TXNL4A: variants seen among roughly 807,000 people sequenced by gnomAD.
TXNL4A encodes thioredoxin like 4A.
In TXNL4A, 17 loss-of-function variants were observed where a neutral mutation model predicts 14.6. The observed-to-expected ratio is 1.16, with a 90% confidence interval of 0.80 to 1.74. The LOEUF (loss-of-function observed/expected upper bound fraction) is 1.74, where lower values mean the gene tolerates loss of function less well. Ranked by LOEUF, TXNL4A falls within the 40% of genes most tolerant of loss-of-function variation. TXNL4A has a pLI of 0.00. For synonymous variants in TXNL4A, 83 were observed against 70.6 expected, an observed-to-expected ratio of 1.18 and a Z score of -0.88; for missense variants, 74 against 195.2, an observed-to-expected ratio of 0.38 and a Z score of 3.70.
chr18:79,977,951 G>A (rs911075440), intron 1 of TXNL4A: 19 of 486,508 alleles, frequency 3.9e-5, no homozygotes, highest in Non-Finnish European at 6.2e-5. Flanking sequence ...TTATAGGAGT[G>A]AGCCATCACT....
intron 1 of TXNL4A, among the ~76,000 whole-genome samples, 159 bp downstream of exon 1, chr18:79,988,081 G>A (rs960050762): frequency 6.6e-6 from 1 of 152,268 alleles, no homozygotes; most frequent in African/African-American, 2.4e-5. Flanking sequence ...CACAGTCCCC[G>A]AGAGCGCTCG....
chr18:80,007,617 A>C (rs2051740576), intron 1 of TXNL4A, among the ~76,000 whole-genome samples: 1 of 151,552 alleles, frequency 6.6e-6, no homozygotes, highest in African/African-American at 2.4e-5. Flanking sequence ...TTAATCAGGT[A>C]CTGAGTATAA....
intron 1 of TXNL4A, among the ~76,000 whole-genome samples, chr18:79,999,626 A>G (rs1267813121): frequency 6.6e-6 from 1 of 152,166 alleles, no homozygotes; most frequent in Non-Finnish European, 1.5e-5. Context: ...ACACCACAGA[A>G]GTTCAGGGTA....
At chr18:79,998,123 C>T (rs1050090357) in intron 1 of TXNL4A, among the ~76,000 whole-genome samples, 1 of 152,042 alleles carries the variant, frequency 6.6e-6, no homozygotes, top group African/African-American at 2.4e-5. Context: ...GAAACCCCCT[C>T]TGTACTAAAA....
intron 1 of TXNL4A, among the ~76,000 whole-genome samples, chr18:80,006,567 T>C (rs1395651216): frequency 6.6e-6 from 1 of 152,182 alleles, no homozygotes; most frequent in East Asian, 1.9e-4. Context: ...AAATTTTATT[T>C]ACTTATAAAA....
At chr18:80,021,518 AG>A (rs2051849074) in intron 1 of TXNL4A, among the ~76,000 whole-genome samples, 1 of 152,170 alleles carries the variant, frequency 6.6e-6, no homozygotes, top group Admixed American at 6.5e-5. Flanking sequence ...ATTGGGAGTT[AG>A]GGTGCAATGG....
At chr18:80,006,620 G>T (rs541903126) in intron 1 of TXNL4A, among the ~76,000 whole-genome samples, 1 of 152,276 alleles carries the variant, frequency 6.6e-6, no homozygotes, top group African/African-American at 2.4e-5. Context: ...TTTGTCTGGG[G>T]TAATACCTGA....
In TXNL4A at chr18:80,011,653, C is replaced by T. The variant is rs749128660; in HGVS notation, c.-61+22198G>A. Among the ~76,000 whole-genome samples the T allele has an allele frequency of 8.5e-5, 13 of 152,112 alleles. No homozygotes were observed. Among genetic ancestry groups the T allele is most frequent in the Non-Finnish European group, 1.0e-4 (7 of 68,036 alleles). ...TTTATGCCCCGAGAGCACAACCGCT[C>T]GGCGGCATTCCACAGGTGGCTCAGG... On this transcript the variant is annotated intron_variant, in intron 1 of 2. Transcript: ENST00000585474. The surrounding 1 kb of genome is among the most constrained non-coding windows in gnomAD (Gnocchi z 4.1).
At chr18:79,994,149 G>A (rs545936074) in intron 1 of TXNL4A, among the ~76,000 whole-genome samples, 3 of 152,242 alleles carry the variant, frequency 2.0e-5, no homozygotes, top group African/African-American at 7.2e-5. Context: ...AAATACTTAC[G>A]GCAAATTGTC....
At chr18:80,033,816 C>CTGCATCAT in intron 1 of TXNL4A, 1 of 149,710 alleles carries the variant, frequency 6.7e-6, no homozygotes, top group African/African-American at 2.5e-5. Flanking sequence ...TCGCCCCGCC[C>CTGCATCAT]CCGTTGCCGC....
chr18:80,002,585 TAAG>T (rs1215067111), intron 1 of TXNL4A, among the ~76,000 whole-genome samples: 1 of 152,116 alleles, frequency 6.6e-6, no homozygotes, highest in Non-Finnish European at 1.5e-5. Flanking sequence ...TTTTGCAGAG[TAAG>T]AAGAACCAAT....
intron 1 of TXNL4A, chr18:79,986,632 G>C (rs2051552989): frequency 1.0e-6 from 1 of 985,438 alleles, no homozygotes; most frequent in Admixed American, 6.1e-5. Context: ...TTCTAGCTAA[G>C]AGCATCTTGC....
intron 1 of TXNL4A, among the ~76,000 whole-genome samples, chr18:79,998,280 G>C (rs1244580866): frequency 1.3e-5 from 2 of 150,964 alleles, no homozygotes; most frequent in East Asian, 3.9e-4. Context: ...ACGACAGAGC[G>C]AGACTCCGTC....
upstream of TXNL4A, among the ~76,000 whole-genome samples, chr18:79,991,075 T>C (rs1423903781): frequency 7.5e-6 from 1 of 133,272 alleles, no homozygotes; most frequent in African/African-American, 3.0e-5. Flanking sequence ...ACCACTGCAC[T>C]CCAGCCTGGG....
At chr18:79,993,053 GGCAC>G (rs2051638445), upstream of TXNL4A, among the ~76,000 whole-genome samples, 1 of 152,042 alleles carries the variant, frequency 6.6e-6, no homozygotes, top group Non-Finnish European at 1.5e-5. This position sits in a 1 kb window ranked among gnomAD's most constrained non-coding sequence, Gnocchi z 4.4. Context: ...CTGTCTCCCA[GGCAC>G]GAGTCCTTAT....
chr18:80,002,863 G>A (rs886726537), intron 1 of TXNL4A, among the ~76,000 whole-genome samples: 5 of 152,186 alleles, frequency 3.3e-5, no homozygotes, highest in African/African-American at 1.2e-4. Context: ...TCTCACTGTG[G>A]TGCCAAAAAC....
chr18:79,984,029 G>A (rs910980057), intron 1 of TXNL4A, among the ~76,000 whole-genome samples: 5 of 151,604 alleles, frequency 3.3e-5, no homozygotes, highest in African/African-American at 1.2e-4. Context: ...TGTGGCTAGA[G>A]TCTGCACCCT....
chr18:80,005,142 T>C (rs2051721372), intron 1 of TXNL4A, among the ~76,000 whole-genome samples: 2 of 152,134 alleles, frequency 1.3e-5, no homozygotes, highest in Non-Finnish European at 2.9e-5. Flanking sequence ...TCTCGTGAGA[T>C]TGTGATGATC....
chr18:79,981,676 TAAC>T (rs544066906), intron 1 of TXNL4A, among the ~76,000 whole-genome samples: 30 of 152,218 alleles, frequency 2.0e-4, no homozygotes, highest in African/African-American at 6.5e-4. Flanking sequence ...CTTCTCAAAC[TAAC>T]AACAACAACA....
Sources: allele counts gnomAD v4.1 joint callset (sites outside exome capture counted in the v4.1 genomes callset), GRCh38; gene constraint gnomAD v4.1.1; non-coding constraint Gnocchi (gnomAD v3.1); transcripts MANE v1.5; gene names NCBI Gene and HGNC (gene_info 2026-07-23, HGNC 2026-07-21).